Variants in SKAP2 observed in about 807,000 individuals in gnomAD.
SKAP2 encodes src kinase associated phosphoprotein 2, also known as src kinase-associated phosphoprotein 2.
In SKAP2, 28 loss-of-function variants were observed where a neutral mutation model predicts 54.9. That is an observed-to-expected ratio of 0.51 (90% CI 0.38 to 0.70). SKAP2 has a LOEUF of 0.70. SKAP2 is among the 30% of genes least tolerant of loss of function. The pLI is 0.00. For missense variants in SKAP2, 356 were observed against 424.1 expected, an observed-to-expected ratio of 0.84 and a Z score of 1.41; for synonymous variants, 137 against 134.3, an observed-to-expected ratio of 1.02 and a Z score of -0.14.
intron 4 of SKAP2, among the ~76,000 whole-genome samples, chr7:26,745,124 T>C (rs373012905): frequency 2.0e-5 from 3 of 151,078 alleles, no homozygotes; most frequent in Non-Finnish European, 3.0e-5. Context: ...GGCATTTATA[T>C]AGTTTTCAAC....
intron 4 of SKAP2, among the ~76,000 whole-genome samples, chr7:26,814,686 TTA>T (rs1163430959): frequency 2.0e-5 from 3 of 152,048 alleles, no homozygotes; most frequent in Non-Finnish European, 4.4e-5. Context: ...AGAAACACTT[TTA>T]TATGAATGAA....
rs970117676 is a variant in SKAP2 at position 26,847,373 on chromosome 7, A to C, written c.200-3236T>G. Among the ~76,000 whole-genome samples the C allele has an allele frequency of 2.0e-5, 3 of 152,110 alleles. No homozygotes were observed. In the East Asian group the frequency reaches 5.8e-4, roughly 29 times the overall value. On this transcript the variant is annotated intron_variant, in intron 3 of 12. Transcript: ENST00000345317. ...CCTAATTTTTTTTTCGACCCAATAA[A>C]GAGTAAAAGCTGCTGTCTTATAAGG...
At chr7:26,690,420 G>T in intron 9 of SKAP2, 58 bp from the exon 10 acceptor site, 1 of 1,046,018 alleles carries the variant, frequency 9.6e-7, no homozygotes, top group Non-Finnish European at 1.5e-6. Flanking sequence ...TAACACTACA[G>T]TACTCACTCA....
intron 4 of SKAP2, among the ~76,000 whole-genome samples, chr7:26,755,816 G>A (rs1170295656): frequency 1.3e-5 from 2 of 152,142 alleles, no homozygotes; most frequent in African/African-American, 4.8e-5. Context: ...CAGGGAGGAG[G>A]GCAAGAAGAG....
intron 9 of SKAP2, among the ~76,000 whole-genome samples, chr7:26,707,734 C>T (rs533088786): frequency 2.0e-5 from 3 of 152,206 alleles, no homozygotes; most frequent in Admixed American, 2.0e-4. Flanking sequence ...AAATGAGACC[C>T]CCAACAGCCC....
chr7:26,734,781 A>G (rs1787889395), intron 6 of SKAP2, among the ~76,000 whole-genome samples: 1 of 152,106 alleles, frequency 6.6e-6, no homozygotes, highest in South Asian at 2.1e-4. Flanking sequence ...TTTTTTATAG[A>G]GACATATCCC....
chr7:26,733,089 C>T (rs551502712), intron 6 of SKAP2, among the ~76,000 whole-genome samples: 2 of 151,796 alleles, frequency 1.3e-5, no homozygotes, highest in Admixed American at 1.3e-4. Context: ...TGAGATCATG[C>T]CACTGCACTC....
chr7:26,861,274 G>C (rs1785266316), intron 1 of SKAP2, among the ~76,000 whole-genome samples: 1 of 151,928 alleles, frequency 6.6e-6, no homozygotes, highest in South Asian at 2.1e-4. Flanking sequence ...CTTGCTGCTA[G>C]TCCTAGTCAA....
Position 26,864,553 on chromosome 7 carries a change from C to A in SKAP2, c.-124G>T. 3 of 1,442,034 alleles carry A rather than the reference C, an allele frequency of 2.1e-6. No individual in the cohort carries two copies. Among genetic ancestry groups the A allele is most frequent in the South Asian group, 1.4e-5 (1 of 69,832 alleles). 89.3% of individuals were successfully genotyped at this position (1,442,034 alleles called of 1,614,324 possible). ...GATTAAGAACAGCGGGGCTACGAGT[C>A]GGGACACTGCCGGGCCGGGGCTCAC... On this transcript the variant is annotated 5_prime_UTR_variant, in exon 1 of 13. Coordinates refer to ENST00000345317, the MANE Select transcript of SKAP2 (RefSeq NM_003930.5).
intron 6 of SKAP2, among the ~76,000 whole-genome samples, chr7:26,733,634 T>C (rs1787865341): frequency 6.6e-6 from 1 of 152,066 alleles, no homozygotes; most frequent in Non-Finnish European, 1.5e-5. Flanking sequence ...AACGGTGAAG[T>C]TGTGGAGAAG....
At chr7:26,717,327 T>C (rs549286016) in intron 9 of SKAP2, among the ~76,000 whole-genome samples, 13 of 151,668 alleles carry the variant, frequency 8.6e-5, no homozygotes, top group African/African-American at 2.9e-4. Flanking sequence ...CTTGACGACA[T>C]GGCAAAACAC....
At chr7:26,711,687 C>A (rs1330167487) in intron 9 of SKAP2, among the ~76,000 whole-genome samples, 1 of 152,094 alleles carries the variant, frequency 6.6e-6, no homozygotes, top group East Asian at 1.9e-4. Context: ...TGGCTCAGGG[C>A]CTGGCCAGTT....
downstream of SKAP2, among the ~76,000 whole-genome samples, chr7:26,666,905 T>C (rs371608425): frequency 7.9e-5 from 12 of 152,308 alleles, no homozygotes; most frequent in East Asian, 1.9e-3. Context: ...GACAGCCCTA[T>C]TTCATTTCTT....
In SKAP2 at chr7:26,864,055, TCACA is replaced by T. The variant is rs35995014; in HGVS notation, c.67+304_67+307del. Among the ~76,000 whole-genome samples the T allele has an allele frequency of 6.4e-3, 925 of 143,430 alleles. 5 individuals are homozygous for T. The highest frequency in any genetic ancestry group is 0.013 in the East Asian group (65 of 4,882). 94.1% of individuals were successfully genotyped at this position (143,430 alleles called of 152,430 possible). A position where few individuals can be genotyped will look rare whatever the true frequency, so the allele number is the denominator to read the frequency against. Reference sequence around the variant, plus strand: ...CCACTCTTCCTCCCCCGCCCTTCTGTCACACACACACACACACACACACACACAC... The same window carrying T: ...CCACTCTTCCTCCCCCGCCCTTCTGTCACACACACACACACACACACACAC... On this transcript the variant is annotated intron_variant, in intron 1 of 12. Transcript: ENST00000345317.
intron 9 of SKAP2, among the ~76,000 whole-genome samples, chr7:26,701,754 TAAAC>T (rs67910219): frequency 0.021 from 995 of 48,138 alleles, 13 homozygotes; most frequent in South Asian, 0.094. Flanking sequence ...AATAAATAAA[TAAAC>T]AAATAAATAA....
chr7:26,819,915 C>G (rs1784356263), intron 4 of SKAP2, among the ~76,000 whole-genome samples: 1 of 152,154 alleles, frequency 6.6e-6, no homozygotes, highest in African/African-American at 2.4e-5. Context: ...GAGGTGATAA[C>G]TGTTCAAGCT....
intron 9 of SKAP2, among the ~76,000 whole-genome samples, chr7:26,703,829 T>C (rs1038321695): frequency 7.9e-5 from 12 of 152,192 alleles, no homozygotes; most frequent in African/African-American, 2.4e-4. Flanking sequence ...AACGAAGGCA[T>C]AGAAACACTT....
intron 4 of SKAP2, among the ~76,000 whole-genome samples, chr7:26,755,952 C>T (rs1333385854): frequency 6.6e-6 from 1 of 152,078 alleles, no homozygotes; most frequent in Non-Finnish European, 1.5e-5. Flanking sequence ...AATGCTGTTA[C>T]ATGATGGTGT....
chr7:26,760,289 T>C (rs906086420), intron 4 of SKAP2, among the ~76,000 whole-genome samples: 2 of 152,080 alleles, frequency 1.3e-5, no homozygotes, highest in Non-Finnish European at 1.5e-5. Context: ...AAAATAGGCC[T>C]AGAAAGAAAA....
Sources: allele counts gnomAD v4.1 joint callset (sites outside exome capture counted in the v4.1 genomes callset), GRCh38; gene constraint gnomAD v4.1.1; transcripts MANE v1.5; gene names NCBI Gene and HGNC (gene_info 2026-07-23, HGNC 2026-07-21).